Variants in CABP7 observed in about 807,000 individuals in gnomAD.
CABP7 encodes the protein calcium binding protein 7.
In CABP7, 13 loss-of-function variants were observed where a neutral mutation model predicts 23.1. The observed-to-expected ratio is 0.56, with a 90% CI of 0.37 to 0.90. CABP7 has a LOEUF of 0.90. CABP7 is among the 40% of genes least tolerant of loss of function. CABP7 has a pLI of 0.01. For missense variants in CABP7, 248 were observed against 295.6 expected (o/e 0.84, Z 1.18); for synonymous variants, 123 against 115.3 (o/e 1.07, Z -0.43).
At chr22:29,728,586 C>T in intron 2 of CABP7, 44 bp from the exon 3 acceptor site, 3 of 1,299,088 alleles carry the variant, frequency 2.3e-6, no homozygotes, top group Non-Finnish European at 3.4e-6. Flanking sequence ...GGGCTGCAGG[C>T]CTGGGCCCTA....
chr22:29,722,427 C>T (rs1323714590), intron 1 of CABP7, among the ~76,000 whole-genome samples: 1 of 152,268 alleles, frequency 6.6e-6, no homozygotes. Flanking sequence ...TTCTCCTGGG[C>T]CCTGGGGAGC....
At chr22:29,725,341 C>T (rs1357004443) in intron 1 of CABP7, among the ~76,000 whole-genome samples, 1 of 152,180 alleles carries the variant, frequency 6.6e-6, no homozygotes, top group African/African-American at 2.4e-5. Context: ...TGAGTAGCGG[C>T]TTCACAGCAA....
Position 29,725,380 on chromosome 22 carries a change from C to T in CABP7, c.110-2282C>T, listed in dbSNP as rs111418302. 8.3e-3 allele frequency among the ~76,000 whole-genome samples: 1,265 copies of T among 152,284 alleles called. 14 individuals carry two copies. The highest frequency in any genetic ancestry group is 0.027 in the African/African-American group (1,112 of 41,568). ...GTATGTGAACTGCTGCTCAGAAGAG[C>T]CAGAGAACTGCGTGCTTCAGATGGA... On this transcript the variant is annotated intron_variant, in intron 1 of 4. Transcript: ENST00000216144.
At chr22:29,721,759 T>C (rs1427164226) in intron 1 of CABP7, among the ~76,000 whole-genome samples, 4 of 152,030 alleles carry the variant, frequency 2.6e-5, no homozygotes, top group African/African-American at 9.7e-5. Context: ...CACTGCACCA[T>C]AGGCATGAGC....
At chr22:29,728,821 C>T (rs1462780336) in intron 3 of CABP7, 79 bp downstream of exon 3, 1 of 1,164,864 alleles carries the variant, frequency 8.6e-7, no homozygotes, top group Non-Finnish European at 1.3e-6. Flanking sequence ...GCTGGGCCCA[C>T]ACTGTAAAGG....
Position 29,720,395 on chromosome 22 carries a change from C to CGGCG in CABP7, c.-17_-14dup, listed in dbSNP as rs1569328810. 3 of 1,417,538 alleles carry CGGCG rather than the reference C, an allele frequency of 2.1e-6. No homozygotes were observed. Among genetic ancestry groups the CGGCG allele is most frequent in the African/African-American group, 1.5e-5 (1 of 66,016 alleles). The allele number at this position is 1,417,538 out of a possible 1,614,324, so 87.8% of individuals were successfully genotyped here. A position where few individuals can be genotyped will look rare whatever the true frequency, so the allele number is the denominator to read the frequency against. On this transcript the variant is annotated 5_prime_UTR_variant, in exon 1 of 5. Coordinates refer to ENST00000216144, the MANE Select transcript of CABP7 (RefSeq NM_182527.3). This position sits in a 1 kb window ranked among gnomAD's most constrained non-coding sequence, Gnocchi z 5.2. Reference sequence around the variant, plus strand: ...CCATGAGCCCCGGCCTCAAAGTTTGCGGCGGGCGGGCGGGCGCGGAGCCTC... The same window carrying CGGCG: ...CCATGAGCCCCGGCCTCAAAGTTTGCGGCGGGCGGGCGGGCGGGCGCGGAGCCTC...
At chr22:29,726,356 C>T (rs1448310088) in intron 1 of CABP7, among the ~76,000 whole-genome samples, 1 of 152,214 alleles carries the variant, frequency 6.6e-6, no homozygotes, top group Non-Finnish European at 1.5e-5. Flanking sequence ...GGCCCCTAGT[C>T]TGTGGTGAGA....
Position 29,729,910 on chromosome 22 carries a change from C to T in CABP7, c.*341C>T, listed in dbSNP as rs1178295066. 2 of 290,392 alleles carry T rather than the reference C, an allele frequency of 6.9e-6. No individual in the cohort carries two copies. The highest frequency in any genetic ancestry group is 1.3e-5 in the Non-Finnish European group (2 of 153,342). The allele number at this position is 290,392 out of a possible 1,614,324, so 18.0% of individuals were successfully genotyped here. On this transcript the variant is annotated 3_prime_UTR_variant, in exon 5 of 5. Transcript: ENST00000216144. ...CCCAGGACCCAGTCGCTGCTGTGGT[C>T]CCTTGGGCAGGAGCGGGCACCCTGT...
At position 29,729,598 on chromosome 22, in the gene CABP7, T is replaced by C; in HGVS notation, c.*29T>C. The C allele has an allele frequency of 1.2e-6, 2 of 1,603,680 alleles. No homozygotes were observed. The highest frequency in any genetic ancestry group is 1.7e-6 in the Non-Finnish European group (2 of 1,178,942). ...CCACCTGGATGCCCCATCCACCGCA[T>C]GCGGTGCCCGTGGCCCGCCCCACAC... On this transcript the variant is annotated 3_prime_UTR_variant, in exon 5 of 5. Transcript: ENST00000216144.
intron 3 of CABP7, 115 bp downstream of exon 3, chr22:29,728,857 C>A: frequency 3.0e-6 from 3 of 998,730 alleles, no homozygotes; most frequent in African/African-American, 1.6e-5. Context: ...AGGCTTGTGT[C>A]CACTGGACAT....
intron 1 of CABP7, among the ~76,000 whole-genome samples, chr22:29,726,734 C>T (rs894485633): frequency 8.5e-5 from 13 of 152,174 alleles, no homozygotes; most frequent in African/African-American, 2.2e-4. Context: ...GAGAGAGCAT[C>T]GAGCCCCGCC....
chr22:29,728,681 T>G lies in CABP7; in HGVS notation c.305T>G (p.Leu102Arg). ...TTTGTGACCCTTCTGGGACCCAAAC[T>G]CTCCACCTCAGGGATCCCAGAGAAG... ...EEFVTLLGPK[L>R]STSGIPEKFH... Residue 102 changes from leucine (L) to arginine (R), a missense_variant, in exon 3 of 5, where the codon CTC becomes CGC. Physicochemically the swap from Leu to Arg is moderately radical, Grantham distance 102. Transcript: ENST00000216144. 6.2e-7 allele frequency: 1 copy of G among 1,613,704 alleles called. No individual in the cohort carries two copies. Among genetic ancestry groups the G allele is most frequent in the Non-Finnish European group, 8.5e-7 (1 of 1,179,914 alleles).
chr22:29,730,914 A>C lies in CABP7; in HGVS notation c.*1345A>C, dbSNP rs2067834975. On this transcript the variant is annotated 3_prime_UTR_variant, in exon 5 of 5. Coordinates refer to ENST00000216144, the MANE Select transcript of CABP7 (RefSeq NM_182527.3). ...CGACCTCTGCTAGGGGCTGGAGAAC[A>C]GAGCTCAGAGCACCCAGTGTAGGGA... The C allele has an allele frequency of 4.6e-6, 1 of 216,754 alleles. No homozygotes were observed. The highest frequency in any genetic ancestry group is 9.0e-6 in the Non-Finnish European group (1 of 110,602). 13.4% of individuals were successfully genotyped at this position (216,754 alleles called of 1,614,324 possible).
chr22:29,720,501 G>A lies in CABP7; in HGVS notation c.77G>A (p.Arg26His), dbSNP rs1601704843. ...YTVPNLLSEQ[R>H]PVDIPEDELE... ...GTGCCCAACCTGCTGTCGGAGCAGCGCCCGGTGGACATCCCGGAGGACGAG... is the reference window on the plus strand; with the variant it reads ...GTGCCCAACCTGCTGTCGGAGCAGCACCCGGTGGACATCCCGGAGGACGAG... Residue 26 changes from arginine to histidine, a missense_variant, in exon 1 of 5, where the codon CGC becomes CAC. By Grantham distance (29) the Arg-to-His change is conservative. Transcript: ENST00000216144. This position sits in a 1 kb window ranked among gnomAD's most constrained non-coding sequence, Gnocchi z 5.2. 1 of 1,557,914 alleles carries A rather than the reference G, an allele frequency of 6.4e-7. No homozygotes were observed. Among genetic ancestry groups the A allele is most frequent in the African/African-American group, 1.4e-5 (1 of 70,544 alleles).
intron 1 of CABP7, among the ~76,000 whole-genome samples, chr22:29,726,715 C>T (rs1052883874): frequency 2.6e-5 from 4 of 152,314 alleles, no homozygotes; most frequent in South Asian, 4.1e-4. Flanking sequence ...AGGAGACCCC[C>T]GGGAGCCGGA....
chr22:29,726,243 C>T (rs947556677), intron 1 of CABP7, among the ~76,000 whole-genome samples: 1 of 152,192 alleles, frequency 6.6e-6, no homozygotes, highest in African/African-American at 2.4e-5. Context: ...ACCCTCAGGC[C>T]TTGGGTGTGG....
intron 1 of CABP7, among the ~76,000 whole-genome samples, chr22:29,722,121 C>A (rs2067766316): frequency 6.6e-6 from 1 of 152,180 alleles, no homozygotes; most frequent in African/African-American, 2.4e-5. Flanking sequence ...GTCTCCCAGA[C>A]CCCAGGCAGC....
At position 29,731,791 on chromosome 22, in the gene CABP7, A is replaced by C. The variant is rs998801643; in HGVS notation, c.*2222A>C. 6.5e-6 allele frequency: 1 copy of C among 153,750 alleles called. No individual in the cohort carries two copies. Among genetic ancestry groups the C allele is most frequent in the South Asian group, 2.0e-4 (1 of 4,914 alleles). The allele number at this position is 153,750 out of a possible 1,614,324, so 9.5% of individuals were successfully genotyped here. A position where few individuals can be genotyped will look rare whatever the true frequency, so the allele number is the denominator to read the frequency against. On this transcript the variant is annotated 3_prime_UTR_variant, in exon 5 of 5. Transcript: ENST00000216144. ...TACTATTTTTGTTTAAAAATATATA[A>C]AATATATAAATGCATAAAAAAATCC...
At position 29,729,427 on chromosome 22, in the gene CABP7, G is replaced by A. The variant is rs1443204299; in HGVS notation, c.521-15G>A. The A allele has an allele frequency of 1.9e-6, 3 of 1,607,758 alleles. No homozygotes were observed. Among genetic ancestry groups the A allele is most frequent in the Non-Finnish European group, 2.5e-6 (3 of 1,179,398 alleles). Reference sequence around the variant, plus strand: ...CCCCTTCTGTCTCCCCGGTGCTCCCGGCGGGCGGCCACAGCCTGCTCCAAC... The same window carrying A: ...CCCCTTCTGTCTCCCCGGTGCTCCCAGCGGGCGGCCACAGCCTGCTCCAAC... On this transcript the variant is annotated splice_polypyrimidine_tract_variant and intron_variant, in intron 4 of 4. Transcript: ENST00000216144.
Sources: allele counts gnomAD v4.1 joint callset (sites outside exome capture counted in the v4.1 genomes callset), GRCh38; gene constraint gnomAD v4.1.1; non-coding constraint Gnocchi (gnomAD v3.1); transcripts MANE v1.5; gene names NCBI Gene and HGNC (gene_info 2026-07-23, HGNC 2026-07-21).